Variants in COL6A2 observed in about 807,000 individuals in gnomAD.
The protein encoded by COL6A2 is collagen alpha-2(VI) chain.
COL6A2 carries 90 observed loss-of-function variants against 124.9 expected under a neutral mutation model. The ratio of observed to expected loss-of-function variants is 0.72; its 90% CI spans 0.61 to 0.86. COL6A2 has a LOEUF of 0.86. Ranked by LOEUF, COL6A2 falls within the 40% of genes least tolerant of loss-of-function variation. The pLI is 0.00. For synonymous variants in COL6A2, 793 were observed against 618.2 expected, an observed-to-expected ratio of 1.28 and a Z score of -4.19; for missense variants, 1,607 against 1,502.5, an observed-to-expected ratio of 1.07 and a Z score of -1.15.
At chr21:46,129,442 T>G (rs368403163) in intron 27 of COL6A2, 2 of 1,605,614 alleles carry the variant, frequency 1.2e-6, no homozygotes, top group Non-Finnish European at 1.7e-6. Flanking sequence ...TTTAAGCTGG[T>G]GCACAGGGAC....
intron 5 of COL6A2, among the ~76,000 whole-genome samples, 171 bp downstream of exon 5, chr21:46,114,244 G>A (rs2078442020): frequency 2.0e-5 from 3 of 152,018 alleles, no homozygotes; most frequent in Middle Eastern, 3.4e-3. Context: ...GGCTAACATG[G>A]TGAAACCCTG....
chr21:46,128,375 T>G (rs955090609), intron 27 of COL6A2, among the ~76,000 whole-genome samples: 4 of 152,226 alleles, frequency 2.6e-5, no homozygotes, highest in Non-Finnish European at 4.4e-5. Flanking sequence ...GAACTCGACC[T>G]TGTGGCTCCA....
intron 27 of COL6A2, chr21:46,129,595 C>T (rs925140084): frequency 1.7e-5 from 24 of 1,437,386 alleles, no homozygotes; most frequent in South Asian, 4.4e-5. Context: ...GATCTGGAAT[C>T]GGGGTCAGCG....
At position 46,120,151 on chromosome 21, in the gene COL6A2, G is replaced by GCC. The variant is rs56053057; in HGVS notation, c.1332+303_1332+304dup. Among the ~76,000 whole-genome samples, 4,425 of 72,184 alleles carry GCC rather than the reference G, an allele frequency of 0.061. 122 individuals are homozygous for GCC. The highest frequency in any genetic ancestry group is 0.19 in the Middle Eastern group (23 of 120). 47.4% of individuals were successfully genotyped at this position (72,184 alleles called of 152,430 possible). A position where few individuals can be genotyped will look rare whatever the true frequency, so the allele number is the denominator to read the frequency against. On this transcript the variant is annotated intron_variant, in intron 15 of 27. Coordinates refer to ENST00000300527, the MANE Select transcript of COL6A2 (RefSeq NM_001849.4). The stretch of plus-strand genomic sequence containing the variant: ...CCCACTGAGGCACCTCTTACCCCCA[G>GCC]CCCACTGAGGCATTGCTCACCCACG...
chr21:46,132,215 C>T lies in COL6A2; in HGVS notation c.2723C>T (p.Thr908Ile), dbSNP rs777940024. 6.3e-7 allele frequency: 1 copy of T among 1,592,778 alleles called. No homozygotes were observed. Among genetic ancestry groups the T allele is most frequent in the South Asian group, 1.1e-5 (1 of 88,704 alleles). The change falls in exon 28 of 28, where the codon ACA becomes ATA. Residue 908 changes from threonine to isoleucine, a missense_variant. Around this residue, in one of 3 missense-constraint regions of COL6A2, gnomAD observed 1,223 missense variants for 1,052.2 expected, o/e 1.16. Coordinates refer to ENST00000300527, the MANE Select transcript of COL6A2 (RefSeq NM_001849.4). ...GCCATCCACGAGGCGCTGGAGACCA[C>T]ACAATACCTGAACTCCTTCTCGCAC... Reference protein sequence around the residue: ...LTAIHEALETTQYLNSFSHVG... With the variant: ...LTAIHEALETIQYLNSFSHVG...
intron 1 of COL6A2, 61 bp from the exon 2 acceptor site, chr21:46,111,388 TG>T: frequency 3.2e-6 from 3 of 935,052 alleles, no homozygotes; most frequent in Non-Finnish European, 5.1e-6. Context: ...GCGCCTGCCA[TG>T]GGGGAGGGTG....
chr21:46,132,199 G>A lies in COL6A2; in HGVS notation c.2707G>A (p.Glu903Lys), dbSNP rs373611722. Residue 903 changes from glutamate to lysine, a missense_variant, in exon 28 of 28, where the codon GAG becomes AAG. By Grantham distance (56) the Glu-to-Lys change is moderately conservative. Transcript: ENST00000300527. ...GAGCCACAACCTCACGGCCATCCAC[G>A]AGGCGCTGGAGACCACACAATACCT... is the stretch of plus-strand genomic sequence containing the variant. ...PLSHNLTAIH[E>K]ALETTQYLNS... 8.9e-5 allele frequency: 140 copies of A among 1,580,846 alleles called. No homozygotes were observed. Among genetic ancestry groups the A allele is most frequent in the Middle Eastern group, 1.7e-4 (1 of 6,046 alleles).
rs778739031 is a variant in COL6A2, at chr21:46,116,429, C to T, written c.927+26C>T. On this transcript the variant is annotated intron_variant, in intron 8 of 27. Coordinates refer to ENST00000300527, the MANE Select transcript of COL6A2 (RefSeq NM_001849.4). The surrounding 1 kb of genome is among the most constrained non-coding windows in gnomAD (Gnocchi z 4.6). The stretch of plus-strand genomic sequence containing the variant: ...GTGAGGCTCTTGCCCTGACAGACCT[C>T]AGACCTGCGCCAGCCTCGGCCCAGA... 1.9e-6 allele frequency: 3 copies of T among 1,612,402 alleles called. No homozygotes were observed. Among genetic ancestry groups the T allele is most frequent in the African/African-American group, 2.7e-5 (2 of 74,890 alleles).
In COL6A2 at chr21:46,116,157, C is replaced by G. The variant is rs145309336; in HGVS notation, c.900+104C>G. On this transcript the variant is annotated intron_variant, in intron 7 of 27. Transcript: ENST00000300527. This position sits in a 1 kb window ranked among gnomAD's most constrained non-coding sequence, Gnocchi z 4.6. Reference sequence around the variant, plus strand: ...GGCCTCAGCCTCTACGACCCTCCCCCCAGTTACCAAGGAACAGAAGCACCT... The same window carrying G: ...GGCCTCAGCCTCTACGACCCTCCCCGCAGTTACCAAGGAACAGAAGCACCT... The G allele has an allele frequency of 2.6e-4, 339 of 1,288,536 alleles. 1 individual carries two copies. Among genetic ancestry groups the G allele is most frequent in the Non-Finnish European group, 3.2e-4 (287 of 909,046 alleles). 79.8% of individuals were successfully genotyped at this position (1,288,536 alleles called of 1,614,324 possible).
In COL6A2 at chr21:46,130,869, G is replaced by A. The variant is rs536165027; in HGVS notation, c.2462-1085G>A. Among the ~76,000 whole-genome samples, 4 of 152,308 alleles carry A rather than the reference G, an allele frequency of 2.6e-5. No homozygotes were observed. The South Asian group carries it at 6.2e-4, about 24-fold the overall frequency. On this transcript the variant is annotated intron_variant, in intron 27 of 27. Coordinates refer to ENST00000300527, the MANE Select transcript of COL6A2 (RefSeq NM_001849.4). ...TGCGTCACTCATAAGCTCACTGAGG[G>A]AACCCCATCTGCCAGCTCGTGCGTG... is the stretch of plus-strand genomic sequence containing the variant.
chr21:46,121,161 C>T (rs779809680), intron 17 of COL6A2, 38 bp downstream of exon 17: 2 of 1,595,280 alleles, frequency 1.3e-6, no homozygotes, highest in South Asian at 2.2e-5. Flanking sequence ...CCTCTGACCC[C>T]ACGGGTGGGT....
intron 21 of COL6A2, among the ~76,000 whole-genome samples, chr21:46,123,288 A>G (rs1472030138): frequency 8.6e-6 from 1 of 116,836 alleles, no homozygotes; most frequent in Non-Finnish European, 1.8e-5. Context: ...CCAACATAGC[A>G]TCCCCTCCAG....
intron 14 of COL6A2, 147 bp from the exon 15 acceptor site, chr21:46,119,641 G>GA (rs1004020383): frequency 2.9e-6 from 2 of 697,648 alleles, no homozygotes; most frequent in Non-Finnish European, 5.0e-6. Context: ...AGGCTGTTGG[G>GA]AAGGAGCCTG....
At position 46,105,845 on chromosome 21, in the gene COL6A2, T is replaced by A. The variant is rs145500927; in HGVS notation, c.-27-5605T>A. ...ATCCATAAGGTATACAGAAAAAAAA[T>A]GCAAAATGAAAGAAGTCCCTCTTTA... On this transcript the variant is annotated intron_variant, in intron 1 of 27. Coordinates refer to ENST00000300527, the MANE Select transcript of COL6A2 (RefSeq NM_001849.4). Among the ~76,000 whole-genome samples, 1,307 of 151,720 alleles carry A rather than the reference T, an allele frequency of 8.6e-3. 7 individuals carry two copies. Among genetic ancestry groups the A allele is most frequent in the Non-Finnish European group, 0.015 (988 of 67,826 alleles).
chr21:46,131,934 G>C lies in COL6A2; in HGVS notation c.2462-20G>C. 10 of 1,575,248 alleles carry C rather than the reference G, an allele frequency of 6.3e-6. No individual in the cohort carries two copies. The highest frequency in any genetic ancestry group is 8.6e-6 in the Non-Finnish European group (10 of 1,163,954). ...TGCCCACCTCCCCTCCGCCCAGCCC[G>C]CACCTGCGTCTCCCCACAGAGCTGT... On this transcript the variant is annotated intron_variant, in intron 27 of 27. Transcript: ENST00000300527.
chr21:46,130,067 G>A (rs776266225), intron 27 of COL6A2, among the ~76,000 whole-genome samples: 7 of 152,172 alleles, frequency 4.6e-5, no homozygotes, highest in Admixed American at 6.5e-5. Flanking sequence ...GGGCGCTCAC[G>A]GCCCACCTGG....
rs1295680856 is a variant in COL6A2, at chr21:46,128,886, G to A, written c.2461+2345G>A. The A allele has an allele frequency of 2.5e-6, 4 of 1,605,466 alleles. 1 individual carries two copies. Among genetic ancestry groups the A allele is most frequent in the Non-Finnish European group, 3.4e-6 (4 of 1,172,826 alleles). On this transcript the variant is annotated intron_variant, in intron 27 of 27. Coordinates refer to ENST00000300527, the MANE Select transcript of COL6A2 (RefSeq NM_001849.4). ...GCACTGGAAGCCCTACTGGAGTTTGGCCTGTCTCCGGCACAGGTTTGGACG... is the reference window on the plus strand; with the variant it reads ...GCACTGGAAGCCCTACTGGAGTTTGACCTGTCTCCGGCACAGGTTTGGACG...
chr21:46,125,863 C>T lies in COL6A2; in HGVS notation c.2048C>T (p.Ser683Phe), dbSNP rs1258904789. 3.1e-6 allele frequency: 5 copies of T among 1,613,116 alleles called. No homozygotes were observed. The highest frequency in any genetic ancestry group is 3.4e-6 in the Non-Finnish European group (4 of 1,180,004). The change falls in exon 26 of 28, where the codon TCC becomes TTC. Residue 683 changes from serine (S) to phenylalanine (F), a missense_variant. Coordinates refer to ENST00000300527, the MANE Select transcript of COL6A2 (RefSeq NM_001849.4). ...CAGCTGGACGACGAACGTATCGACT[C>T]CCTGTCGAGCTTCAAGGAGGCTGTC... ...AIQLDDERID[S>F]LSSFKEAVKN...
intron 21 of COL6A2, 99 bp from the exon 22 acceptor site, chr21:46,124,552 A>G (rs2078629615): frequency 9.4e-7 from 1 of 1,068,280 alleles, no homozygotes; most frequent in South Asian, 1.4e-5. Flanking sequence ...CCCCCCCGCC[A>G]AGGGAGGACC....
Sources: allele counts gnomAD v4.1 joint callset (sites outside exome capture counted in the v4.1 genomes callset), GRCh38; gene constraint gnomAD v4.1.1; regional missense constraint gnomAD v4.1.1; non-coding constraint Gnocchi (gnomAD v3.1); transcripts MANE v1.5; gene names NCBI Gene and HGNC (gene_info 2026-07-23, HGNC 2026-07-21).